Variants in NBPF11 observed in about 807,000 individuals in gnomAD.
The protein encoded by NBPF11 is NBPF family member NBPF11.
A neutral mutation model predicts 93.9 loss-of-function variants in NBPF11; 72 were observed. That is an observed-to-expected ratio of 0.77 (90% confidence interval 0.63 to 0.93). The LOEUF is 0.93. Among genes scored for constraint, NBPF11 ranks in the 40% least tolerant of loss-of-function variants. The pLI, the probability that NBPF11 is intolerant of heterozygous loss-of-function variation, is 0.00. For missense variants in NBPF11, 705 were observed against 802.2 expected, an observed-to-expected ratio of 0.88 and a Z score of 1.46; for synonymous variants, 224 against 304.9, an observed-to-expected ratio of 0.73 and a Z score of 2.76.
At chr1:148,150,210 G>A (rs1190734280) in intron 1 of NBPF11, among the ~76,000 whole-genome samples, 2 of 144,642 alleles carry the variant, frequency 1.4e-5, no homozygotes, top group African/African-American at 5.3e-5. Flanking sequence ...AGAGTGCACT[G>A]GCACGATCAC....
intron 2 of NBPF11, among the ~76,000 whole-genome samples, chr1:148,141,137 G>C (rs1327932918): frequency 1.1e-4 from 16 of 151,848 alleles, no homozygotes; most frequent in Non-Finnish European, 1.8e-4. Context: ...TGGTTGTCAG[G>C]GGTGGAGGAG....
chr1:148,151,314 G>A (rs1369184530), intron 1 of NBPF11, among the ~76,000 whole-genome samples: 5 of 151,892 alleles, frequency 3.3e-5, no homozygotes, highest in African/African-American at 1.2e-4. Context: ...TGGAGACACC[G>A]CCAGGAGCAG....
intron 1 of NBPF11, among the ~76,000 whole-genome samples, chr1:148,151,380 TG>T (rs1648276509): frequency 6.6e-6 from 1 of 151,974 alleles, no homozygotes; most frequent in Non-Finnish European, 1.5e-5. Context: ...CGAGCGCTCT[TG>T]CCCCTCAAGT....
intron 12 of NBPF11, 144 bp from the exon 13 acceptor site, chr1:148,116,679 G>A (rs1250211854): frequency 1.7e-6 from 1 of 593,556 alleles, no homozygotes; most frequent in African/African-American, 1.9e-5. Context: ...TTAACAGAAT[G>A]CCCTGGCATG....
chr1:148,111,048 C>A (rs1215141347), intron 15 of NBPF11, among the ~76,000 whole-genome samples: 2 of 151,670 alleles, frequency 1.3e-5, no homozygotes, highest in African/African-American at 2.4e-5. Flanking sequence ...AGCATATATA[C>A]ATCTCTCCCT....
intron 1 of NBPF11, chr1:148,146,579 C>A: frequency 6.2e-7 from 1 of 1,607,780 alleles, no homozygotes. Flanking sequence ...TCCTCGGGCG[C>A]ACCCGGGCGC....
At chr1:148,150,495 C>T (rs1648010274) in intron 1 of NBPF11, among the ~76,000 whole-genome samples, 1 of 148,248 alleles carries the variant, frequency 6.7e-6, no homozygotes, top group African/African-American at 2.5e-5. Flanking sequence ...AATCTTAAAG[C>T]TAGCATTTTA....
At chr1:148,105,868 A>T (rs1663474567) in intron 21 of NBPF11, among the ~76,000 whole-genome samples, 1 of 140,126 alleles carries the variant, frequency 7.1e-6, no homozygotes, top group Non-Finnish European at 1.5e-5. Context: ...CCCTCAGGAC[A>T]CACAGCATAC....
intron 14 of NBPF11, among the ~76,000 whole-genome samples, 199 bp downstream of exon 14, chr1:148,115,594 G>C (rs1232950148): frequency 4.6e-5 from 7 of 151,768 alleles, no homozygotes; most frequent in Non-Finnish European, 7.4e-5. Flanking sequence ...CACTTGCCTG[G>C]GGTCGAGTAA....
At chr1:148,116,366 G>A (rs1343707389) in intron 13 of NBPF11, 97 bp downstream of exon 13, 16 of 643,332 alleles carry the variant, frequency 2.5e-5, no homozygotes, top group Middle Eastern at 4.3e-4. Context: ...AAGCGAATGC[G>A]GGTTTTTGGC....
intron 14 of NBPF11, among the ~76,000 whole-genome samples, chr1:148,114,884 A>C (rs1399288815): frequency 5.9e-5 from 9 of 151,628 alleles, no homozygotes; most frequent in African/African-American, 2.2e-4. Context: ...CTGATAGATA[A>C]ATTTGAACAA....
intron 8 of NBPF11, 121 bp from the exon 9 acceptor site, chr1:148,122,387 G>C (rs1210010113): frequency 3.0e-5 from 46 of 1,525,554 alleles, no homozygotes; most frequent in Non-Finnish European, 3.9e-5. Context: ...ACAAATGGAG[G>C]TTCCCTTTAA....
Position 148,134,868 on chromosome 1 carries a change from C to G in NBPF11, c.-36+804G>C, listed in dbSNP as rs1390698262. Reference sequence around the variant, plus strand: ...ACGGCCCTAGAGTCAGGGGCAGCACCAGCCACTGTCGGCTGCTCATTTGTC... The same window carrying G: ...ACGGCCCTAGAGTCAGGGGCAGCACGAGCCACTGTCGGCTGCTCATTTGTC... On this transcript the variant is annotated intron_variant, in intron 4 of 23. Transcript: ENST00000682118. Among the ~76,000 whole-genome samples the G allele has an allele frequency of 4.8e-4, 73 of 152,116 alleles. 2 individuals carry two copies. Among genetic ancestry groups the G allele is most frequent in the African/African-American group, 1.7e-3 (71 of 41,366 alleles).
chr1:148,149,420 G>C, intron 1 of NBPF11: 6 of 1,581,168 alleles, frequency 3.8e-6, no homozygotes, highest in South Asian at 1.1e-5. Flanking sequence ...CTTCTCGCAC[G>C]GGCTGGCGCT....
chr1:148,114,354 A>C (rs1302670802), intron 15 of NBPF11, 83 bp downstream of exon 15: 8 of 586,546 alleles, frequency 1.4e-5, no homozygotes, highest in Non-Finnish European at 2.4e-5. Context: ...AAATAGTTCT[A>C]TTCATCACTT....
chr1:148,144,287 A>G (rs1287985818), intron 1 of NBPF11, among the ~76,000 whole-genome samples: 1 of 149,356 alleles, frequency 6.7e-6, no homozygotes, highest in African/African-American at 2.5e-5. Context: ...AAGCCCCAAA[A>G]TCTTAGCAGC....
chr1:148,108,033 T>C (rs1292598707), intron 18 of NBPF11, among the ~76,000 whole-genome samples: 4 of 150,604 alleles, frequency 2.7e-5, no homozygotes, highest in African/African-American at 9.8e-5. Flanking sequence ...GCCATATTTT[T>C]CCAATCGATT....
chr1:148,108,005 G>C (rs1426012439), intron 18 of NBPF11, among the ~76,000 whole-genome samples: 1 of 150,826 alleles, frequency 6.6e-6, no homozygotes, highest in East Asian at 1.9e-4. Context: ...TTTGTCCCAA[G>C]TTTGTGCAAA....
In NBPF11 at chr1:148,122,060, A is replaced by G. The variant is rs1668000225; in HGVS notation, c.773T>C (p.Leu258Pro). 3 of 1,606,168 alleles carry G rather than the reference A, an allele frequency of 1.9e-6. No homozygotes were observed. Among genetic ancestry groups the G allele is most frequent in the Non-Finnish European group, 2.6e-6 (3 of 1,173,086 alleles). ...HDGCQDALNI[L>P]PVPGPTSSAT... ...ACAAGGAAAATAGAGGCTACCTGGG[A>G]GAATGTTTAGAGCATCCTGACATCC... Residue 258 changes from leucine (L) to proline (P), a missense_variant, in exon 9 of 24, where the codon CTC becomes CCC. This residue lies in a region of NBPF11 where 262 missense variants were observed against 223.1 expected (regional missense o/e 1.17). Coordinates refer to ENST00000682118, the MANE Select transcript of NBPF11 (RefSeq NM_001385469.3).
Sources: allele counts gnomAD v4.1 joint callset (sites outside exome capture counted in the v4.1 genomes callset), GRCh38; gene constraint gnomAD v4.1.1; regional missense constraint gnomAD v4.1.1; transcripts MANE v1.5; gene names NCBI Gene and HGNC (gene_info 2026-07-23, HGNC 2026-07-21).